ASPRV1: variants seen among roughly 807,000 people sequenced by gnomAD.
ASPRV1 encodes aspartic peptidase retroviral like 1.
Under a neutral mutation model 11.0 loss-of-function variants are expected in ASPRV1, and 7 were observed. That is an observed-to-expected ratio of 0.64 (90% CI 0.36 to 1.20). The LOEUF is 1.20. Among genes scored for constraint, ASPRV1 ranks in the 50% most tolerant of loss-of-function variants. ASPRV1 has a pLI of 0.02. For synonymous variants in ASPRV1, 136 were observed against 138.4 expected (o/e 0.98, Z 0.12); for missense variants, 299 against 320.0 (o/e 0.93, Z 0.50).
the ASPRV1 span, among the ~76,000 whole-genome samples, chr2:69,950,358 C>T: frequency 6.6e-6 from 1 of 152,118 alleles, no homozygotes; most frequent in Non-Finnish European, 1.5e-5. Context: ...ATCTCTAAGC[C>T]TGGGCTTTAG....
the ASPRV1 span, chr2:70,031,592 G>T: frequency 2.0e-5 from 3 of 152,218 alleles, no homozygotes; most frequent in Non-Finnish European, 2.9e-5. Context: ...AGCTACTTGG[G>T]AGGCTAAGGC....
At chr2:70,085,098 G>T in the ASPRV1 span, among the ~76,000 whole-genome samples, 12 of 152,314 alleles carry the variant, frequency 7.9e-5, no homozygotes, top group Admixed American at 7.8e-4. Context: ...GTCAATCTCT[G>T]CAGAGAAATG....
the ASPRV1 span, among the ~76,000 whole-genome samples, chr2:69,952,717 C>T: frequency 0.21 from 31,402 of 151,960 alleles, 4,329 homozygotes; most frequent in East Asian, 0.38. Context: ...TGGTGCATTG[C>T]AGGATGTTTT....
At chr2:69,936,833 A>G in the ASPRV1 span, among the ~76,000 whole-genome samples, 17 of 152,332 alleles carry the variant, frequency 1.1e-4, no homozygotes, top group African/African-American at 3.8e-4. Flanking sequence ...ATAGTTTTAA[A>G]TGGAAGCGTG....
chr2:70,014,676 T>C, the ASPRV1 span: 3 of 151,400 alleles, frequency 2.0e-5, no homozygotes, highest in Non-Finnish European at 4.4e-5. Context: ...GACATGTGTC[T>C]ATAGTCCCAG....
the ASPRV1 span, among the ~76,000 whole-genome samples, chr2:70,069,730 T>C: frequency 3.3e-5 from 5 of 152,160 alleles, no homozygotes; most frequent in Non-Finnish European, 7.4e-5. Context: ...GCCCTCTCAA[T>C]GGAGCAATAT....
At chr2:69,937,105 C>T in the ASPRV1 span, 1 of 1,204,084 alleles carries the variant, frequency 8.3e-7, no homozygotes, top group Non-Finnish European at 1.2e-6. Context: ...CAGGGAGAAG[C>T]TTGATGAGTG....
At chr2:69,945,426 G>A in the ASPRV1 span, among the ~76,000 whole-genome samples, 2 of 152,350 alleles carry the variant, frequency 1.3e-5, no homozygotes, top group African/African-American at 2.4e-5. Flanking sequence ...ACTGGGTGGC[G>A]AGGCAGCTCC....
At chr2:70,008,637 G>GT in the ASPRV1 span, among the ~76,000 whole-genome samples, 1,302 of 143,074 alleles carry the variant, frequency 9.1e-3, 7 homozygotes, top group African/African-American at 0.024. Context: ...GTTTTTGTGT[G>GT]TTTTTTTTTT....
At chr2:70,028,953 A>C in the ASPRV1 span, among the ~76,000 whole-genome samples, 581 of 151,872 alleles carry the variant, frequency 3.8e-3, 6 homozygotes, top group South Asian at 0.011. Context: ...AAAAATAAAT[A>C]AATAAAATAA....
chr2:70,020,019 C>T, the ASPRV1 span, among the ~76,000 whole-genome samples: 1 of 151,928 alleles, frequency 6.6e-6, no homozygotes, highest in African/African-American at 2.4e-5. Flanking sequence ...TATATCAAAA[C>T]ATCATGTTGT....
At chr2:69,988,479 CAG>C in the ASPRV1 span, 41 of 280,268 alleles carry the variant, frequency 1.5e-4, no homozygotes, top group African/African-American at 7.7e-4. Context: ...TTCATAGAGA[CAG>C]AAAGTACAGC....
At chr2:70,020,955 T>C in the ASPRV1 span, among the ~76,000 whole-genome samples, 1 of 152,192 alleles carries the variant, frequency 6.6e-6, no homozygotes, top group Non-Finnish European at 1.5e-5. Context: ...ACAATATAAA[T>C]GTACTCAATA....
the ASPRV1 span, among the ~76,000 whole-genome samples, chr2:69,985,356 C>G: frequency 6.6e-6 from 1 of 152,188 alleles, no homozygotes; most frequent in East Asian, 1.9e-4. Flanking sequence ...ATGCGAAGTC[C>G]TTCCCTTGTT....
chr2:70,079,587 A>C, the ASPRV1 span, among the ~76,000 whole-genome samples: 1 of 152,180 alleles, frequency 6.6e-6, no homozygotes, highest in African/African-American at 2.4e-5. Context: ...AGAATAAGAA[A>C]AAAAAAGTTG....
the ASPRV1 span, among the ~76,000 whole-genome samples, chr2:70,084,845 C>A: frequency 5.3e-5 from 8 of 152,300 alleles, no homozygotes; most frequent in African/African-American, 1.7e-4. Context: ...AGTGCTGTAA[C>A]TGTCATCGTT....
the ASPRV1 span, chr2:70,050,346 A>T: frequency 1.3e-5 from 2 of 152,176 alleles, no homozygotes; most frequent in African/African-American, 2.4e-5. Flanking sequence ...TCATATCAAA[A>T]TAAATACCAG....
the ASPRV1 span, among the ~76,000 whole-genome samples, chr2:69,991,010 C>T: frequency 1.3e-5 from 2 of 152,226 alleles, no homozygotes; most frequent in Non-Finnish European, 2.9e-5. Context: ...CCAGCCTCCT[C>T]AAACGTGGCC....
the ASPRV1 span, chr2:69,937,955 C>T: frequency 5.8e-5 from 42 of 725,610 alleles, no homozygotes; most frequent in Non-Finnish European, 9.0e-5. Context: ...CTGTGTTGGC[C>T]CAGCTGGTCT....
Sources: allele counts gnomAD v4.1 joint callset (sites outside exome capture counted in the v4.1 genomes callset), GRCh38; gene constraint gnomAD v4.1.1; transcripts MANE v1.5; gene names NCBI Gene and HGNC (gene_info 2026-07-23, HGNC 2026-07-21).